Variants in PIK3R1 observed in about 807,000 individuals in gnomAD.
PIK3R1 encodes phosphatidylinositol 3-kinase regulatory subunit alpha.
Under a neutral mutation model 98.0 loss-of-function variants are expected in PIK3R1, and 29 were observed. The ratio of observed to expected loss-of-function variants is 0.30; its 90% CI spans 0.22 to 0.40. The LOEUF (loss-of-function observed/expected upper bound fraction) is 0.40. PIK3R1 is among the 10% of genes least tolerant of loss of function. The pLI, the probability that PIK3R1 is intolerant of heterozygous loss-of-function variation, is 1.00. For synonymous variants in PIK3R1, 282 were observed against 311.8 expected (o/e 0.90, Z 1.01); for missense variants, 596 against 872.7 (o/e 0.68, Z 3.99).
At chr5:68,286,058 C>G (rs1747064520) in intron 7 of PIK3R1, among the ~76,000 whole-genome samples, 1 of 152,112 alleles carries the variant, frequency 6.6e-6, no homozygotes, top group African/African-American at 2.4e-5. Flanking sequence ...ACATTTGCCA[C>G]TTGATGGTGA....
chr5:68,253,435 A>G (rs1212500365), intron 2 of PIK3R1, among the ~76,000 whole-genome samples: 1 of 152,226 alleles, frequency 6.6e-6, no homozygotes, highest in African/African-American at 2.4e-5. Context: ...ATTCTTGGGA[A>G]GAAACTGGGT....
rs1190697417 is a variant in PIK3R1 at position 68,244,523 on chromosome 5, G to GCCCCC, written c.334+17516_334+17520dup. ...CCTATTTCTCTAGGACCGCCCCCCC[G>GCCCCC]CCCCCCGCCGCCGCTTCAGAGAGCT... On this transcript the variant is annotated intron_variant, in intron 2 of 15. Coordinates refer to ENST00000521381, the MANE Select transcript of PIK3R1 (RefSeq NM_181523.3). Among the ~76,000 whole-genome samples the GCCCCC allele has an allele frequency of 6.3e-4, 5 of 7,998 alleles. 2 individuals carry two copies. The highest frequency in any genetic ancestry group is 3.1e-3 in the Admixed American group (3 of 960). 5.2% of individuals were successfully genotyped at this position (7,998 alleles called of 152,430 possible).
chr5:68,218,586 GT>G (rs1397808135), intron 1 of PIK3R1, among the ~76,000 whole-genome samples: 1 of 152,124 alleles, frequency 6.6e-6, no homozygotes, highest in Non-Finnish European at 1.5e-5. Flanking sequence ...TAAAGAGATG[GT>G]GAATGAGCAG....
chr5:68,265,746 A>G (rs544287653), intron 2 of PIK3R1, among the ~76,000 whole-genome samples: 1 of 152,224 alleles, frequency 6.6e-6, no homozygotes, highest in Non-Finnish European at 1.5e-5. Flanking sequence ...TTTAAAATGC[A>G]TCTTTAAAAA....
chr5:68,292,916 G>T, intron 8 of PIK3R1, 185 bp from the exon 9 acceptor site: 1 of 681,518 alleles, frequency 1.5e-6, no homozygotes, highest in Non-Finnish European at 2.4e-6. Flanking sequence ...TCTTATTAGT[G>T]AGCTCTGAAA....
chr5:68,279,560 T>C lies in PIK3R1; in HGVS notation c.503-42T>C, dbSNP rs181050916. 5,172 of 1,563,176 alleles carry C rather than the reference T, an allele frequency of 3.3e-3. 13 individuals carry two copies. The highest frequency in any genetic ancestry group is 4.2e-3 in the Non-Finnish European group (4,757 of 1,138,200). ...GAAAATTAGCCCAACTGATGTATTC[T>C]ATAAAATAAATGTCTGAAATATTTC... On this transcript the variant is annotated intron_variant, in intron 4 of 15. Transcript: ENST00000521381.
At chr5:68,283,784 C>T (rs544862940) in intron 7 of PIK3R1, among the ~76,000 whole-genome samples, 1 of 152,328 alleles carries the variant, frequency 6.6e-6, no homozygotes, top group East Asian at 1.9e-4. Flanking sequence ...TGCCCAGGAG[C>T]CGCCTCCTAC....
At chr5:68,252,893 A>G (rs1443887443) in intron 2 of PIK3R1, among the ~76,000 whole-genome samples, 1 of 152,148 alleles carries the variant, frequency 6.6e-6, no homozygotes, top group Non-Finnish European at 1.5e-5. Flanking sequence ...GCTGTAAAAT[A>G]TGCCCTTTTC....
intron 2 of PIK3R1, among the ~76,000 whole-genome samples, chr5:68,271,156 G>T (rs1746342467): frequency 6.6e-6 from 1 of 152,152 alleles, no homozygotes; most frequent in Non-Finnish European, 1.5e-5. Context: ...AAGATTTAGG[G>T]TGGTACCTGG....
chr5:68,301,428 A>ATGTGTG lies in PIK3R1; in HGVS notation c.*3828_*3829insGTGTGT, dbSNP rs1561308433. On this transcript the variant is annotated 3_prime_UTR_variant, in exon 16 of 16. Coordinates refer to ENST00000521381, the MANE Select transcript of PIK3R1 (RefSeq NM_181523.3). ...TATATATATATATATATATATATAT[A>ATGTGTG]TATATGTGTGTGTATATATATATAT... 2 of 60,880 alleles carry ATGTGTG rather than the reference A, an allele frequency of 3.3e-5. No homozygotes were observed. Among genetic ancestry groups the ATGTGTG allele is most frequent in the Non-Finnish European group, 6.0e-5 (2 of 33,206 alleles). 3.8% of individuals were successfully genotyped at this position (60,880 alleles called of 1,614,324 possible).
chr5:68,280,506 T>G, intron 5 of PIK3R1, 22 bp from the exon 6 acceptor site: 1 of 1,506,530 alleles, frequency 6.6e-7, no homozygotes, highest in Non-Finnish European at 9.1e-7. Context: ...ATTTCTCTTT[T>G]TTTTTTTTTT....
At chr5:68,237,441 G>T (rs752518605) in intron 2 of PIK3R1, among the ~76,000 whole-genome samples, 15 of 152,146 alleles carry the variant, frequency 9.9e-5, no homozygotes, top group Non-Finnish European at 1.8e-4. Flanking sequence ...GGTGATTGAG[G>T]GGGTAAGGGA....
chr5:68,290,174 G>A (rs953409590), intron 7 of PIK3R1, among the ~76,000 whole-genome samples: 1 of 152,154 alleles, frequency 6.6e-6, no homozygotes, highest in Non-Finnish European at 1.5e-5. Context: ...AATTATGGAG[G>A]ACTAAAATAC....
chr5:68,273,583 C>A, intron 3 of PIK3R1, 101 bp downstream of exon 3: 1 of 969,808 alleles, frequency 1.0e-6, no homozygotes. Context: ...TTTCCTACTA[C>A]CAGCTATGTC....
rs928932277 is a variant in PIK3R1, at chr5:68,300,435, C to A, written c.*2834C>A. 4.3e-6 allele frequency: 1 copy of A among 232,950 alleles called. No individual in the cohort carries two copies. The highest frequency in any genetic ancestry group is 8.5e-6 in the Non-Finnish European group (1 of 117,900). 14.4% of individuals were successfully genotyped at this position (232,950 alleles called of 1,614,324 possible). Reference sequence around the variant, plus strand: ...TCCTGATATATGATTTTTATCCATGCGTCAGTTTTTCCCACCCAGTGTAGC... The same window carrying A: ...TCCTGATATATGATTTTTATCCATGAGTCAGTTTTTCCCACCCAGTGTAGC... On this transcript the variant is annotated 3_prime_UTR_variant, in exon 16 of 16. Transcript: ENST00000521381.
rs1421064025 is a variant in PIK3R1 at position 68,297,948 on chromosome 5, T to G, written c.*347T>G. On this transcript the variant is annotated 3_prime_UTR_variant, in exon 16 of 16. Transcript: ENST00000521381. ...CTTTAACCATGGTGCTTGTTAATGC[T>G]TTCTGAAGCTTTACCAGCTGAAAGT... The G allele has an allele frequency of 4.1e-6, 1 of 242,634 alleles. No individual in the cohort carries two copies. Among genetic ancestry groups the G allele is most frequent in the African/African-American group, 2.2e-5 (1 of 45,522 alleles). The allele number at this position is 242,634 out of a possible 1,614,324, so 15.0% of individuals were successfully genotyped here.
intron 5 of PIK3R1, 77 bp downstream of exon 5, chr5:68,279,810 T>C: frequency 2.9e-6 from 4 of 1,393,954 alleles, no homozygotes; most frequent in South Asian, 1.2e-5. Flanking sequence ...CTTGCATATA[T>C]AGAAATAGTG....
At chr5:68,281,859 A>T (rs1028584307) in intron 7 of PIK3R1, among the ~76,000 whole-genome samples, 8 of 152,184 alleles carry the variant, frequency 5.3e-5, no homozygotes, top group Non-Finnish European at 1.0e-4. Context: ...TTTCATCTTC[A>T]TGCAATGGAG....
intron 2 of PIK3R1, among the ~76,000 whole-genome samples, chr5:68,260,749 A>G (rs1279424906): frequency 6.6e-6 from 1 of 152,136 alleles, no homozygotes; most frequent in Admixed American, 6.5e-5. Context: ...TATTGCTCTC[A>G]ATTTCATGAT....
Sources: allele counts gnomAD v4.1 joint callset (sites outside exome capture counted in the v4.1 genomes callset), GRCh38; gene constraint gnomAD v4.1.1; transcripts MANE v1.5; gene names NCBI Gene and HGNC (gene_info 2026-07-23, HGNC 2026-07-21).